RLN1: variants seen among roughly 807,000 people sequenced by gnomAD.
RLN1 encodes the protein prorelaxin H1.
In RLN1, 4 loss-of-function variants were observed where a neutral mutation model predicts 7.2. That is an observed-to-expected ratio of 0.56 (90% CI 0.28 to 1.28). RLN1 has a LOEUF of 1.28. Among genes scored for constraint, RLN1 ranks in the 50% most tolerant of loss-of-function variants. The pLI, the probability that RLN1 is intolerant of heterozygous loss-of-function variation, is 0.11. For synonymous variants in RLN1, 105 were observed against 86.0 expected, an observed-to-expected ratio of 1.22 and a Z score of -1.22; for missense variants, 293 against 221.1, an observed-to-expected ratio of 1.32 and a Z score of -2.06.
chr9:5,337,689 G>C (rs990614595), intron 1 of RLN1, among the ~76,000 whole-genome samples: 10 of 151,836 alleles, frequency 6.6e-5, no homozygotes, highest in African/African-American at 2.2e-4. Context: ...ACCTAGTAAC[G>C]GTAAACATTT....
upstream of RLN1, among the ~76,000 whole-genome samples, chr9:5,340,047 T>A (rs1347329803): frequency 2.0e-5 from 3 of 152,198 alleles, no homozygotes; most frequent in East Asian, 5.8e-4. Flanking sequence ...TTCGCTCTTT[T>A]GTTACCCTGA....
In RLN1 at chr9:5,339,872, C is replaced by G. The variant is rs187553585; in HGVS notation, c.-126G>C. On this transcript the variant is annotated 5_prime_UTR_variant, in exon 1 of 2. Coordinates refer to ENST00000223862, the MANE Select transcript of RLN1 (RefSeq NM_006911.4). ...AGGCTGCTTTCCCTACCCGGCTCAA[C>G]CAGTCTTTAGTATGGGCTATCACTC... 1,115 of 963,574 alleles carry G rather than the reference C, an allele frequency of 1.2e-3. 7 individuals are homozygous for G. The highest frequency in any genetic ancestry group is 5.8e-3 in the African/African-American group (344 of 59,444). 59.7% of individuals were successfully genotyped at this position (963,574 alleles called of 1,614,324 possible). A position where few individuals can be genotyped will look rare whatever the true frequency, so the allele number is the denominator to read the frequency against.
rs9695268 is a variant in RLN1 at position 5,339,864 on chromosome 9, C to G, written c.-118G>C. The G allele has an allele frequency of 5.8e-6, 6 of 1,032,526 alleles. No homozygotes were observed. Among genetic ancestry groups the G allele is most frequent in the Non-Finnish European group, 8.7e-6 (6 of 688,140 alleles). The allele number at this position is 1,032,526 out of a possible 1,614,324, so 64.0% of individuals were successfully genotyped here. A position where few individuals can be genotyped will look rare whatever the true frequency, so the allele number is the denominator to read the frequency against. Reference sequence around the variant, plus strand: ...CGGGCTTTAGGCTGCTTTCCCTACCCGGCTCAACCAGTCTTTAGTATGGGC... The same window carrying G: ...CGGGCTTTAGGCTGCTTTCCCTACCGGGCTCAACCAGTCTTTAGTATGGGC... On this transcript the variant is annotated 5_prime_UTR_variant, in exon 1 of 2. Transcript: ENST00000223862.
rs778842365 is a variant in RLN1, at chr9:5,339,757, G to A, written c.-11C>T. The A allele has an allele frequency of 2.9e-5, 46 of 1,613,486 alleles. 1 individual carries two copies. Among genetic ancestry groups the A allele is most frequent in the Non-Finnish European group, 3.8e-5 (45 of 1,179,860 alleles). On this transcript the variant is annotated 5_prime_UTR_variant, in exon 1 of 2. Transcript: ENST00000223862. ...GAACAGGCGAGGCATCCTGGGCCTG[G>A]TCTCTCCTGGAGGTCTGGGTGTTGC...
At position 5,335,655 on chromosome 9, in the gene RLN1, G is replaced by C. The variant is rs776811773; in HGVS notation, c.212-58C>G. 89 of 1,024,262 alleles carry C rather than the reference G, an allele frequency of 8.7e-5. No homozygotes were observed. In the Middle Eastern group the frequency reaches 1.0e-3, roughly 12 times the overall value. 63.4% of individuals were successfully genotyped at this position (1,024,262 alleles called of 1,614,324 possible). Reference sequence around the variant, plus strand: ...GCGTATTCACGTCAAAGAGCATTCAGAAAAACTGTGAATGTTTGCATACAC... The same window carrying C: ...GCGTATTCACGTCAAAGAGCATTCACAAAAACTGTGAATGTTTGCATACAC... On this transcript the variant is annotated intron_variant, in intron 1 of 1. Coordinates refer to ENST00000223862, the MANE Select transcript of RLN1 (RefSeq NM_006911.4).
upstream of RLN1, among the ~76,000 whole-genome samples, chr9:5,340,582 G>A (rs1315882791): frequency 6.6e-6 from 1 of 152,220 alleles, no homozygotes; most frequent in Non-Finnish European, 1.5e-5. Context: ...AAAAAAAGCA[G>A]TGGACATCCC....
chr9:5,340,617 TAAC>T (rs910360366), upstream of RLN1, among the ~76,000 whole-genome samples: 10 of 152,344 alleles, frequency 6.6e-5, no homozygotes, highest in Middle Eastern at 3.4e-3. Context: ...AATATTTTGA[TAAC>T]AAATTACAGC....
At chr9:5,339,249 C>A (rs1468248651) in intron 1 of RLN1, 2 of 264,870 alleles carry the variant, frequency 7.6e-6, no homozygotes, top group Non-Finnish European at 1.3e-5. Context: ...CCCCGTCGCT[C>A]TGACTGCCTT....
rs200563966 is a variant in RLN1, at chr9:5,339,641, C to T, written c.106G>A (p.Gly36Ser). The T allele has an allele frequency of 5.0e-6, 8 of 1,612,690 alleles. No homozygotes were observed. The Admixed American group carries it at 1.3e-4, about 27-fold the overall frequency. Residue 36 changes from glycine to serine, a missense_variant, in exon 1 of 2, where the codon GGC (glycine) becomes AGC (serine). By Grantham distance (56) the Gly-to-Ser change is moderately conservative. Transcript: ENST00000223862. ...ATCTGCGCGCGAACTAATTCGCGGC[C>T]GCATAATTTAATAACATCGTCCTTC... is the stretch of plus-strand genomic sequence containing the variant. The part of the protein sequence containing the change: ...KWKDDVIKLC[G>S]RELVRAQIAI...
At chr9:5,338,229 C>A (rs1194698849) in intron 1 of RLN1, among the ~76,000 whole-genome samples, 1 of 75,278 alleles carries the variant, frequency 1.3e-5, no homozygotes, top group Non-Finnish European at 2.6e-5. Context: ...AATAATAAAG[C>A]AAATGCAATG....
chr9:5,340,838 A>C (rs1259555370), upstream of RLN1, among the ~76,000 whole-genome samples: 1 of 152,230 alleles, frequency 6.6e-6, no homozygotes, highest in Non-Finnish European at 1.5e-5. Flanking sequence ...TGTTCATAAT[A>C]TACTCAGATT....
chr9:5,334,973 T>C lies in RLN1; in HGVS notation c.*278A>G. On this transcript the variant is annotated 3_prime_UTR_variant, in exon 2 of 2. Coordinates refer to ENST00000223862, the MANE Select transcript of RLN1 (RefSeq NM_006911.4). Reference sequence around the variant, plus strand: ...GTATTGTTATTATGTATGGTTAAAGTGGCAAAGGTTTTATTGTAATTTTAA... The same window carrying C: ...GTATTGTTATTATGTATGGTTAAAGCGGCAAAGGTTTTATTGTAATTTTAA... 4 of 296,722 alleles carry C rather than the reference T, an allele frequency of 1.3e-5. No individual in the cohort carries two copies. The highest frequency in any genetic ancestry group is 2.5e-5 in the Non-Finnish European group (4 of 163,030). The allele number at this position is 296,722 out of a possible 1,614,324, so 18.4% of individuals were successfully genotyped here. A position where few individuals can be genotyped will look rare whatever the true frequency, so the allele number is the denominator to read the frequency against.
chr9:5,335,732 C>G, intron 1 of RLN1, 135 bp from the exon 2 acceptor site: 1 of 625,952 alleles, frequency 1.6e-6, no homozygotes, highest in South Asian at 2.1e-5. Context: ...AACACAAAAG[C>G]ATCCTAATAT....
rs764362025 is a variant in RLN1 at position 5,335,609 on chromosome 9, A to T, written c.212-12T>A. On this transcript the variant is annotated splice_polypyrimidine_tract_variant and intron_variant, in intron 1 of 1. Coordinates refer to ENST00000223862, the MANE Select transcript of RLN1 (RefSeq NM_006911.4). Reference sequence around the variant, plus strand: ...GGATGGTACAATTTCTGTTAAGTTTAAAAAAAAAGTGTATGTGAAGGCGTA... The same window carrying T: ...GGATGGTACAATTTCTGTTAAGTTTTAAAAAAAAGTGTATGTGAAGGCGTA... The T allele has an allele frequency of 4.1e-5, 59 of 1,433,898 alleles. No individual in the cohort carries two copies. The highest frequency in any genetic ancestry group is 1.3e-4 in the South Asian group (10 of 78,026). 88.8% of individuals were successfully genotyped at this position (1,433,898 alleles called of 1,614,324 possible).
At chr9:5,339,515 G>A in intron 1 of RLN1, 21 bp downstream of exon 1, 1 of 1,507,586 alleles carries the variant, frequency 6.6e-7, no homozygotes. Flanking sequence ...GGGAAGGCCG[G>A]GAGGGGGCGG....
At chr9:5,337,534 G>A (rs1194410434) in intron 1 of RLN1, among the ~76,000 whole-genome samples, 2 of 151,902 alleles carry the variant, frequency 1.3e-5, no homozygotes, top group East Asian at 1.9e-4. Flanking sequence ...GGGATGCAGT[G>A]AATATTACTT....
At position 5,339,783 on chromosome 9, in the gene RLN1, A is replaced by C. The variant is rs762109454; in HGVS notation, c.-37T>G. Reference sequence around the variant, plus strand: ...TCTCTCCTGGAGGTCTGGGTGTTGCAGCCTTTCAGGACTGCGGCTGCTGTG... The same window carrying C: ...TCTCTCCTGGAGGTCTGGGTGTTGCCGCCTTTCAGGACTGCGGCTGCTGTG... On this transcript the variant is annotated 5_prime_UTR_variant, in exon 1 of 2. Transcript: ENST00000223862. 6.2e-7 allele frequency: 1 copy of C among 1,608,142 alleles called. No individual in the cohort carries two copies. Among genetic ancestry groups the C allele is most frequent in the Non-Finnish European group, 8.5e-7 (1 of 1,175,394 alleles).
rs139294857 is a variant in RLN1, at chr9:5,335,554, A to C, written c.255T>G (p.Ile85Met). Residue 85 changes from isoleucine to methionine, a missense_variant, in exon 2 of 2, where the codon ATT becomes ATG. Transcript: ENST00000223862. ...AATTAGCAATGAATTCCAACATGAT[A>C]ATTATAGTTTCTGTATCTTTGTTGA... ...SFINKDTETI[I>M]IMLEFIANLP... The C allele has an allele frequency of 3.9e-5, 63 of 1,611,398 alleles. No individual in the cohort carries two copies. In the African/African-American group the frequency reaches 6.0e-4, roughly 15 times the overall value.
rs1413234518 is a variant in RLN1 at position 5,339,782 on chromosome 9, C to G, written c.-36G>C. On this transcript the variant is annotated 5_prime_UTR_variant, in exon 1 of 2. Coordinates refer to ENST00000223862, the MANE Select transcript of RLN1 (RefSeq NM_006911.4). ...GTCTCTCCTGGAGGTCTGGGTGTTGCAGCCTTTCAGGACTGCGGCTGCTGT... is the reference window on the plus strand; with the variant it reads ...GTCTCTCCTGGAGGTCTGGGTGTTGGAGCCTTTCAGGACTGCGGCTGCTGT... The G allele has an allele frequency of 1.2e-6, 2 of 1,607,378 alleles. No homozygotes were observed. The highest frequency in any genetic ancestry group is 1.3e-5 in the African/African-American group (1 of 74,184).
Sources: allele counts gnomAD v4.1 joint callset (sites outside exome capture counted in the v4.1 genomes callset), GRCh38; gene constraint gnomAD v4.1.1; transcripts MANE v1.5; gene names NCBI Gene and HGNC (gene_info 2026-07-23, HGNC 2026-07-21).